The following ZMAT4 variants were observed in gnomAD, a reference collection of about 807,000 sequenced individuals.
ZMAT4 encodes the protein zinc finger matrin-type protein 4.
Under a neutral mutation model 28.7 loss-of-function variants are expected in ZMAT4, and 17 were observed. That is an observed-to-expected ratio of 0.59 (90% CI 0.41 to 0.89). ZMAT4 has a LOEUF of 0.89. Among genes scored for constraint, ZMAT4 ranks in the 40% least tolerant of loss-of-function variants. The probability of loss-of-function intolerance (pLI) is 0.00; values close to 1 mark genes in which losing one functional copy is unlikely to be tolerated. For synonymous variants in ZMAT4, 117 were observed against 109.2 expected, an observed-to-expected ratio of 1.07 and a Z score of -0.44; for missense variants, 240 against 283.8, an observed-to-expected ratio of 0.85 and a Z score of 1.11.
chr8:40,646,335 A>G (rs547369680), intron 5 of ZMAT4, among the ~76,000 whole-genome samples: 1 of 151,170 alleles, frequency 6.6e-6, no homozygotes, highest in African/African-American at 2.4e-5. Context: ...CTTTTTAGCT[A>G]TATTTCTTTG....
chr8:40,631,618 G>C (rs1222197732), intron 5 of ZMAT4, among the ~76,000 whole-genome samples: 1 of 152,202 alleles, frequency 6.6e-6, no homozygotes, highest in Non-Finnish European at 1.5e-5. Context: ...AGAGGGATCA[G>C]GAGATGGGGG....
intron 5 of ZMAT4, among the ~76,000 whole-genome samples, chr8:40,652,135 G>A (rs2118821356): frequency 8.8e-6 from 1 of 113,374 alleles, no homozygotes; most frequent in East Asian, 2.6e-4. Flanking sequence ...TACCATCAGA[G>A]TGAACAGGCA....
chr8:40,698,780 G>T (rs1810003825), intron 3 of ZMAT4, among the ~76,000 whole-genome samples: 1 of 152,156 alleles, frequency 6.6e-6, no homozygotes, highest in Non-Finnish European at 1.5e-5. Context: ...GGAAGGGGTT[G>T]TGTGTGTGTC....
intron 1 of ZMAT4, among the ~76,000 whole-genome samples, chr8:40,836,443 G>A (rs1189671702): frequency 1.3e-5 from 2 of 152,122 alleles, no homozygotes; most frequent in African/African-American, 4.8e-5. Flanking sequence ...TACAACACAA[G>A]GTATGTAAGA....
At chr8:40,879,731 A>G (rs1253386949) in intron 1 of ZMAT4, among the ~76,000 whole-genome samples, 4 of 152,220 alleles carry the variant, frequency 2.6e-5, no homozygotes, top group Non-Finnish European at 5.9e-5. Context: ...ATCATCAATC[A>G]TCTTACCATC....
intron 5 of ZMAT4, among the ~76,000 whole-genome samples, chr8:40,673,412 T>A (rs2150471748): frequency 6.6e-6 from 1 of 152,282 alleles, no homozygotes; most frequent in Non-Finnish European, 1.5e-5. Context: ...GTAATTAGAA[T>A]TGTAGGCTCT....
intron 3 of ZMAT4, among the ~76,000 whole-genome samples, chr8:40,751,923 T>C (rs921571786): frequency 3.3e-5 from 5 of 152,134 alleles, no homozygotes; most frequent in Admixed American, 6.5e-5. Flanking sequence ...GATGCAAAGA[T>C]GTATAAGGGA....
At chr8:40,712,207 AAGGCAGTCTTG>A (rs1156642295) in intron 3 of ZMAT4, among the ~76,000 whole-genome samples, 8 of 152,216 alleles carry the variant, frequency 5.3e-5, no homozygotes, top group Non-Finnish European at 7.3e-5. Context: ...TTTCTCTCAT[AAGGCAGTCTTG>A]AGAATTAAAT....
chr8:40,584,556 C>T (rs923408936), intron 5 of ZMAT4, among the ~76,000 whole-genome samples: 4 of 152,010 alleles, frequency 2.6e-5, no homozygotes, highest in Non-Finnish European at 4.4e-5. Context: ...TGAAACTTGC[C>T]CTAGTTTCTA....
chr8:40,691,944 C>A (rs1809683438), intron 4 of ZMAT4, among the ~76,000 whole-genome samples: 1 of 152,104 alleles, frequency 6.6e-6, no homozygotes, highest in Non-Finnish European at 1.5e-5. Context: ...TAAGATCAAG[C>A]AAGTGGACAG....
At chr8:40,870,568 C>T (rs1020981247) in intron 1 of ZMAT4, among the ~76,000 whole-genome samples, 5 of 152,062 alleles carry the variant, frequency 3.3e-5, no homozygotes, top group African/African-American at 9.7e-5. Context: ...TTATTTATTC[C>T]AGTTGCATCT....
intron 5 of ZMAT4, among the ~76,000 whole-genome samples, chr8:40,598,169 A>G (rs1002629423): frequency 6.6e-6 from 1 of 152,212 alleles, no homozygotes; most frequent in African/African-American, 2.4e-5. Context: ...ACATGAAAGT[A>G]ATGCACAATG....
intron 5 of ZMAT4, among the ~76,000 whole-genome samples, chr8:40,654,207 G>A (rs941277576): frequency 6.6e-6 from 1 of 152,096 alleles, no homozygotes; most frequent in Non-Finnish European, 1.5e-5. Context: ...CTCTAGCCCA[G>A]AGACTCCCTG....
intron 1 of ZMAT4, among the ~76,000 whole-genome samples, chr8:40,885,234 C>T (rs1818413317): frequency 6.6e-6 from 1 of 152,204 alleles, no homozygotes; most frequent in Admixed American, 6.5e-5. Context: ...GCTCCTTCTA[C>T]AGTCTTTCCC....
intron 1 of ZMAT4, among the ~76,000 whole-genome samples, chr8:40,893,392 A>G (rs796209392): frequency 2.6e-5 from 4 of 152,280 alleles, no homozygotes; most frequent in African/African-American, 7.2e-5. Context: ...CTGGCTCTAT[A>G]TCTAAGGGGA....
At chr8:40,618,088 A>G (rs564935763) in intron 5 of ZMAT4, among the ~76,000 whole-genome samples, 1 of 152,344 alleles carries the variant, frequency 6.6e-6, no homozygotes, top group South Asian at 2.1e-4. Flanking sequence ...CTTTCTGTAC[A>G]TTAATCTCTA....
intron 5 of ZMAT4, among the ~76,000 whole-genome samples, chr8:40,601,458 G>GAAAGAAAGAAAAAAGAAAGAAAGAAAGAA (rs1401179649): frequency 3.5e-5 from 1 of 28,200 alleles, no homozygotes; most frequent in African/African-American, 1.9e-4. Flanking sequence ...GGAAGGAAGG[G>GAAAGAAAGAAAAAAGAAAGAAAGAAAGAA]AGGAAGAAAG....
chr8:40,875,639 G>C (rs1818016741), intron 1 of ZMAT4, among the ~76,000 whole-genome samples: 1 of 152,102 alleles, frequency 6.6e-6, no homozygotes, highest in South Asian at 2.1e-4. Flanking sequence ...TGTGTGAACT[G>C]ACAGAGTCAG....
chr8:40,814,823 G>C lies in ZMAT4; in HGVS notation c.102+10752C>G, dbSNP rs143562323. Among the ~76,000 whole-genome samples the C allele has an allele frequency of 3.7e-3, 538 of 146,420 alleles. 6 individuals are homozygous for C. Among genetic ancestry groups the C allele is most frequent in the East Asian group, 0.011 (56 of 5,184 alleles). ...TTCATAGTTTTTGAATTGTGAATTT[G>C]CTGCCTCTGCAAAAAAATGAATGAA... On this transcript the variant is annotated intron_variant, in intron 2 of 6. Transcript: ENST00000297737.
Sources: gnomAD v4.1 joint callset for allele counts (sites outside exome capture counted in the v4.1 genomes callset) on GRCh38, gnomAD v4.1.1 for gene constraint, MANE v1.5 for transcripts, NCBI Gene and HGNC (gene_info 2026-07-23, HGNC 2026-07-21) for gene names.